Variants in TNFRSF13B observed in about 807,000 individuals in gnomAD.
TNFRSF13B encodes the protein TNF receptor superfamily member 13B, also known as tumor necrosis factor receptor superfamily member 13B.
TNFRSF13B carries 34 observed loss-of-function variants against 24.0 expected under a neutral mutation model. That is an observed-to-expected ratio of 1.41 (90% CI 1.08 to 1.88). The LOEUF is 1.88. Among genes scored for constraint, TNFRSF13B ranks in the 40% most tolerant of loss-of-function variants. The pLI is 0.00. For synonymous variants in TNFRSF13B, 173 were observed against 150.3 expected (o/e 1.15, Z -1.10); for missense variants, 415 against 380.8 (o/e 1.09, Z -0.75).
chr17:16,939,930 G>A (rs2087496838), intron 4 of TNFRSF13B, 133 bp from the exon 5 acceptor site: 16 of 1,296,872 alleles, frequency 1.2e-5, no homozygotes, highest in Non-Finnish European at 1.6e-5. Flanking sequence ...CCCCCAGACA[G>A]GTGTCAGTGT....
At chr17:16,942,216 A>G (rs138884331) in intron 3 of TNFRSF13B, among the ~76,000 whole-genome samples, 2 of 152,230 alleles carry the variant, frequency 1.3e-5, no homozygotes, top group East Asian at 3.9e-4. Flanking sequence ...CATTTTACAG[A>G]TGACAAAACT....
At position 16,940,468 on chromosome 17, in the gene TNFRSF13B, G is replaced by A; in HGVS notation, c.489C>T (p.Val163=). 6.2e-7 allele frequency: 1 copy of A among 1,613,812 alleles called. No individual in the cohort carries two copies. Among genetic ancestry groups the A allele is most frequent in the African/African-American group, 1.3e-5 (1 of 75,036 alleles). ...ACAGGCAGAGCCCCAGCGTGCTGTAGACCAGGGCCACCTGATCTGCACTCA... is the reference window on the plus strand; with the variant it reads ...ACAGGCAGAGCCCCAGCGTGCTGTAAACCAGGGCCACCTGATCTGCACTCA... ...LKLSADQVAL[V]YSTLGLCLCA... is the part of the protein sequence containing the mutation. The change falls in exon 4 of 5, where the codon GTC becomes GTT. Residue 163 remains valine (V), a synonymous_variant. Transcript: ENST00000261652.
intron 1 of TNFRSF13B, among the ~76,000 whole-genome samples, chr17:16,963,182 A>G (rs1026744454): frequency 3.3e-5 from 5 of 152,234 alleles, no homozygotes; most frequent in Non-Finnish European, 5.9e-5. Context: ...CAGCATATGC[A>G]TGGCAGGTGC....
At chr17:16,959,274 A>G (rs2087645599) in intron 1 of TNFRSF13B, among the ~76,000 whole-genome samples, 1 of 152,102 alleles carries the variant, frequency 6.6e-6, no homozygotes, top group Non-Finnish European at 1.5e-5. Flanking sequence ...ATATCTTGAG[A>G]CAAATGAAAA....
chr17:16,962,843 C>T (rs1009591429), intron 1 of TNFRSF13B, among the ~76,000 whole-genome samples: 2 of 152,102 alleles, frequency 1.3e-5, no homozygotes, highest in African/African-American at 4.8e-5. Context: ...ACGCACCCCT[C>T]CTTCACCGGG....
At chr17:16,964,827 A>G (rs1486145773) in intron 1 of TNFRSF13B, among the ~76,000 whole-genome samples, 2 of 152,068 alleles carry the variant, frequency 1.3e-5, no homozygotes, top group Non-Finnish European at 2.9e-5. Context: ...GCCGGAGTGA[A>G]GTGCCCGTGG....
intron 2 of TNFRSF13B, among the ~76,000 whole-genome samples, chr17:16,950,800 CTG>C (rs1185468700): frequency 6.6e-6 from 1 of 152,080 alleles, no homozygotes; most frequent in Non-Finnish European, 1.5e-5. Context: ...GTCCTCCCCA[CTG>C]TGTTTCCCTC....
intron 4 of TNFRSF13B, 180 bp from the exon 5 acceptor site, chr17:16,939,977 G>A: frequency 9.6e-7 from 1 of 1,045,416 alleles, no homozygotes; most frequent in Non-Finnish European, 1.3e-6. Flanking sequence ...CCGGGGCAGG[G>A]GTGGGCAGGC....
At position 16,940,683 on chromosome 17, in the gene TNFRSF13B, A is replaced by G; in HGVS notation, c.446-172T>C. The G allele has an allele frequency of 2.0e-6, 3 of 1,471,352 alleles. No individual in the cohort carries two copies. The South Asian group carries it at 4.1e-5, about 20-fold the overall frequency. The allele number at this position is 1,471,352 out of a possible 1,614,324, so 91.1% of individuals were successfully genotyped here. A position where few individuals can be genotyped will look rare whatever the true frequency, so the allele number is the denominator to read the frequency against. On this transcript the variant is annotated intron_variant, in intron 3 of 4. Transcript: ENST00000261652. ...GGGATGCTCTCTGGATCCTGGAGGA[A>G]GTTGATCCACTCCCCCATCCTGGCA...
chr17:16,943,137 G>C (rs2087523625), intron 3 of TNFRSF13B, among the ~76,000 whole-genome samples: 1 of 152,226 alleles, frequency 6.6e-6, no homozygotes, highest in South Asian at 2.1e-4. Context: ...CCCCAAGCAA[G>C]AGCAGCAGAA....
chr17:16,940,414 C>G lies in TNFRSF13B; in HGVS notation c.543G>C (p.Ala181=). ...LCAVLCCFLV[A]VACFLKKRGD... ...CCCTCTTCTTGAGGAAGCAGGCCAC[C>G]GCCACCAGGAAGCAGCAGAGGACGG... The change falls in exon 4 of 5, where the codon GCG becomes GCC. Residue 181 remains alanine (A), a synonymous_variant. Coordinates refer to ENST00000261652, the MANE Select transcript of TNFRSF13B (RefSeq NM_012452.3). 6.2e-7 allele frequency: 1 copy of G among 1,614,060 alleles called. No homozygotes were observed.
intron 3 of TNFRSF13B, among the ~76,000 whole-genome samples, chr17:16,942,523 A>G (rs1344594799): frequency 6.6e-6 from 1 of 152,066 alleles, no homozygotes; most frequent in Non-Finnish European, 1.5e-5. Flanking sequence ...GAGCTCAGAG[A>G]GGCCTAACGG....
intron 1 of TNFRSF13B, among the ~76,000 whole-genome samples, chr17:16,960,031 G>A (rs185123184): frequency 6.0e-4 from 92 of 152,138 alleles, no homozygotes; most frequent in Non-Finnish European, 4.7e-4. Context: ...AATTACACAC[G>A]AATATGTCTT....
intron 2 of TNFRSF13B, among the ~76,000 whole-genome samples, chr17:16,949,535 A>AC (rs1393388334): frequency 1.3e-5 from 2 of 152,214 alleles, no homozygotes; most frequent in African/African-American, 4.8e-5. Context: ...ACAGCAGCTT[A>AC]CACAAGTATC....
chr17:16,966,469 C>A (rs1418618474), intron 1 of TNFRSF13B, among the ~76,000 whole-genome samples: 1 of 152,134 alleles, frequency 6.6e-6, no homozygotes, highest in African/African-American at 2.4e-5. Flanking sequence ...CAGGGAAATA[C>A]AACATAAGGA....
At chr17:16,968,159 A>AAAAAAAAG (rs2087718997) in intron 1 of TNFRSF13B, among the ~76,000 whole-genome samples, 8 of 150,428 alleles carry the variant, frequency 5.3e-5, no homozygotes, top group African/African-American at 2.0e-4. Context: ...AAAAAAAAGA[A>AAAAAAAAG]AAAAGAAAGG....
intron 3 of TNFRSF13B, chr17:16,941,467 T>C: frequency 1.0e-6 from 1 of 987,606 alleles, no homozygotes; most frequent in South Asian, 4.7e-5. Context: ...GAGCTGGGCA[T>C]CCTCTAGGCG....
At chr17:16,941,262 G>A in intron 3 of TNFRSF13B, 8 of 987,836 alleles carry the variant, frequency 8.1e-6, no homozygotes, top group Non-Finnish European at 9.6e-6. Context: ...CTGTGTTTGA[G>A]AGTAGGACAG....
At chr17:16,964,112 G>T (rs571818141) in intron 1 of TNFRSF13B, among the ~76,000 whole-genome samples, 30 of 152,124 alleles carry the variant, frequency 2.0e-4, no homozygotes, top group African/African-American at 7.2e-4. Context: ...GGCAGAAGAG[G>T]AGAAGAAGGG....
Sources: allele counts gnomAD v4.1 joint callset (sites outside exome capture counted in the v4.1 genomes callset), GRCh38; gene constraint gnomAD v4.1.1; transcripts MANE v1.5; gene names NCBI Gene and HGNC (gene_info 2026-07-23, HGNC 2026-07-21).